Variants in PIK3C2G observed in about 807,000 individuals in gnomAD.
PIK3C2G encodes the protein phosphatidylinositol 3-kinase C2 domain-containing subunit gamma.
PIK3C2G carries 168 observed loss-of-function variants against 181.1 expected under a neutral mutation model. That is an observed-to-expected ratio of 0.93 (90% CI 0.82 to 1.05). The LOEUF is 1.05. Among genes scored for constraint, PIK3C2G ranks in the 50% least tolerant of loss-of-function variants. The pLI, the probability that PIK3C2G is intolerant of heterozygous loss-of-function variation, is 0.00. For missense variants in PIK3C2G, 1,869 were observed against 1,732.8 expected (o/e 1.08, Z -1.40); for synonymous variants, 573 against 592.2 (o/e 0.97, Z 0.47).
chr12:18,287,828 T>C (rs1046195115), intron 3 of PIK3C2G, among the ~76,000 whole-genome samples: 3 of 147,302 alleles, frequency 2.0e-5, no homozygotes, highest in Non-Finnish European at 4.5e-5. Context: ...ATCATTGCAC[T>C]CCAGCCTGGG....
intron 26 of PIK3C2G, among the ~76,000 whole-genome samples, chr12:18,549,882 T>A (rs1443881094): frequency 6.6e-6 from 1 of 151,976 alleles, no homozygotes; most frequent in Non-Finnish European, 1.5e-5. Flanking sequence ...GTCACCTTCC[T>A]TCCTTTTCCT....
At chr12:18,255,247 A>AT (rs1948134273) in intron 1 of PIK3C2G, among the ~76,000 whole-genome samples, 1 of 150,486 alleles carries the variant, frequency 6.6e-6, no homozygotes, top group East Asian at 2.0e-4. Context: ...AAATAAATAA[A>AT]TAAATAAACA....
chr12:18,556,911 A>G (rs1945042430), intron 26 of PIK3C2G, among the ~76,000 whole-genome samples: 2 of 152,280 alleles, frequency 1.3e-5, no homozygotes, highest in South Asian at 2.1e-4. Flanking sequence ...TATTCAAAAA[A>G]GTTTAAGACC....
chr12:18,272,387 T>A (rs1204049633), intron 1 of PIK3C2G, among the ~76,000 whole-genome samples: 2 of 152,190 alleles, frequency 1.3e-5, no homozygotes, highest in East Asian at 1.9e-4. Flanking sequence ...GAATTCTTTA[T>A]CAGGAAGCAC....
intron 11 of PIK3C2G, among the ~76,000 whole-genome samples, chr12:18,354,666 C>A (rs1449289220): frequency 2.0e-5 from 3 of 152,198 alleles, no homozygotes; most frequent in African/African-American, 7.2e-5. Context: ...TTTGGCCAAA[C>A]CTTTGTGCAA....
chr12:18,636,651 A>C (rs1226230383), intron 31 of PIK3C2G, among the ~76,000 whole-genome samples: 1 of 152,180 alleles, frequency 6.6e-6, no homozygotes, highest in Non-Finnish European at 1.5e-5. Flanking sequence ...TAGCAGCTGC[A>C]ATTGGAGTTA....
At chr12:18,720,564 C>A in the PIK3C2G span, among the ~76,000 whole-genome samples, 1 of 151,628 alleles carries the variant, frequency 6.6e-6, no homozygotes. Flanking sequence ...CTCTCCCTAT[C>A]TGTGGAATGG....
At chr12:18,285,810 C>T (rs1261914370) in intron 2 of PIK3C2G, among the ~76,000 whole-genome samples, 1 of 151,466 alleles carries the variant, frequency 6.6e-6, no homozygotes, top group African/African-American at 2.4e-5. Context: ...CAAATAGAAA[C>T]AAATATAAAT....
chr12:18,680,980 G>C, the PIK3C2G span, among the ~76,000 whole-genome samples: 1,614 of 152,154 alleles, frequency 0.011, 25 homozygotes, highest in African/African-American at 0.037. Context: ...AGCCAGGATA[G>C]GGGAGTGTGT....
rs975371468 is a variant in PIK3C2G at position 18,319,329 on chromosome 12, GA to G, written c.1138-1624del. ...TTTACAGCAATAGATTTTTGTATGA[GA>G]AAAAAAAATTTTAACTTTTTCCTTT... is the stretch of plus-strand genomic sequence containing the variant. On this transcript the variant is annotated intron_variant, in intron 6 of 32. Coordinates refer to ENST00000538779, the MANE Select transcript of PIK3C2G (RefSeq NM_001288772.2). 1.3e-3 allele frequency among the ~76,000 whole-genome samples: 190 copies of G among 151,676 alleles called. 1 individual carries two copies. The highest frequency in any genetic ancestry group is 4.3e-3 in the African/African-American group (179 of 41,424).
intron 22 of PIK3C2G, 68 bp from the exon 23 acceptor site, chr12:18,503,213 A>G: frequency 1.7e-6 from 2 of 1,208,502 alleles, no homozygotes; most frequent in Non-Finnish European, 2.3e-6. Flanking sequence ...TATTGTTGTT[A>G]TATTTCCTAA....
intron 10 of PIK3C2G, among the ~76,000 whole-genome samples, chr12:18,344,050 C>A (rs1455554323): frequency 6.6e-6 from 1 of 152,062 alleles, no homozygotes; most frequent in African/African-American, 2.4e-5. Flanking sequence ...AGATTAAACT[C>A]TTTGATCCCG....
intron 31 of PIK3C2G, among the ~76,000 whole-genome samples, chr12:18,637,986 A>T (rs552519594): frequency 6.6e-6 from 1 of 152,324 alleles, no homozygotes; most frequent in African/African-American, 2.4e-5. Context: ...AAAAAAATTT[A>T]ACTTAATATA....
the PIK3C2G span, among the ~76,000 whole-genome samples, chr12:18,669,960 G>A: frequency 5.3e-5 from 8 of 152,006 alleles, no homozygotes; most frequent in Non-Finnish European, 8.8e-5. Context: ...GAGCCACCGC[G>A]CCCGGCCCTC....
At chr12:18,318,734 A>G (rs1950977373) in intron 6 of PIK3C2G, among the ~76,000 whole-genome samples, 1 of 151,842 alleles carries the variant, frequency 6.6e-6, no homozygotes, top group Admixed American at 6.6e-5. Flanking sequence ...TTTAAACTTG[A>G]TAATATTATA....
chr12:18,694,893 A>C, the PIK3C2G span: 5 of 1,557,850 alleles, frequency 3.2e-6, no homozygotes, highest in Middle Eastern at 4.6e-4. Context: ...ATGTAAAAGA[A>C]AATTTATTAA....
At chr12:18,352,247 C>T (rs2137708852) in intron 11 of PIK3C2G, among the ~76,000 whole-genome samples, 1 of 152,306 alleles carries the variant, frequency 6.6e-6, no homozygotes, top group South Asian at 2.1e-4. Context: ...TTTCTAAAGT[C>T]CCTTCTGTTT....
intron 18 of PIK3C2G, among the ~76,000 whole-genome samples, chr12:18,465,002 T>C (rs1937704740): frequency 6.6e-6 from 1 of 152,008 alleles, no homozygotes; most frequent in Non-Finnish European, 1.5e-5. Context: ...CCTTGACTAG[T>C]TTGACATTTG....
intron 18 of PIK3C2G, among the ~76,000 whole-genome samples, chr12:18,455,067 G>C (rs1947551888): frequency 6.6e-6 from 1 of 152,122 alleles, no homozygotes; most frequent in African/African-American, 2.4e-5. Flanking sequence ...GTGATTGCTG[G>C]CAGCATTTAA....
Sources: gnomAD v4.1 joint callset for allele counts (sites outside exome capture counted in the v4.1 genomes callset) on GRCh38, gnomAD v4.1.1 for gene constraint, MANE v1.5 for transcripts, NCBI Gene and HGNC (gene_info 2026-07-23, HGNC 2026-07-21) for gene names.